PPM1H: variants seen among roughly 807,000 people sequenced by gnomAD.
PPM1H encodes the protein protein phosphatase 1H.
Under a neutral mutation model 54.9 loss-of-function variants are expected in PPM1H, and 27 were observed. That is an observed-to-expected ratio of 0.49 (90% CI 0.36 to 0.68). The LOEUF (loss-of-function observed/expected upper bound fraction) is 0.68, where lower values mean the gene tolerates loss of function less well. PPM1H is among the 30% of genes least tolerant of loss of function. The probability of loss-of-function intolerance (pLI) is 0.00; values close to 1 mark genes in which losing one functional copy is unlikely to be tolerated. For synonymous variants in PPM1H, 305 were observed against 270.8 expected (o/e 1.13, Z -1.24); for missense variants, 596 against 667.8 (o/e 0.89, Z 1.19).
chr12:62,685,685 G>A (rs2076047197), intron 8 of PPM1H, among the ~76,000 whole-genome samples: 1 of 152,124 alleles, frequency 6.6e-6, no homozygotes, highest in South Asian at 2.1e-4. Flanking sequence ...TTAAACAGGA[G>A]GAATAAGTTT....
chr12:62,720,392 A>C, intron 5 of PPM1H, 103 bp from the exon 6 acceptor site: 1 of 821,714 alleles, frequency 1.2e-6, no homozygotes, highest in Non-Finnish European at 1.9e-6. Context: ...CATATTTTAA[A>C]AACAAGAAAA....
At chr12:62,772,060 A>G (rs897307420) in intron 4 of PPM1H, among the ~76,000 whole-genome samples, 1 of 152,248 alleles carries the variant, frequency 6.6e-6, no homozygotes, top group African/African-American at 2.4e-5. Context: ...AGTAAGTGAT[A>G]GAATTAGGAT....
At chr12:62,897,749 C>T (rs545577291) in intron 1 of PPM1H, among the ~76,000 whole-genome samples, 12 of 152,118 alleles carry the variant, frequency 7.9e-5, no homozygotes, top group South Asian at 4.2e-4. Flanking sequence ...TCTTTCAAGA[C>T]TCTAAACCAA....
At chr12:62,782,443 G>C (rs1050797772) in intron 4 of PPM1H, among the ~76,000 whole-genome samples, 6 of 152,136 alleles carry the variant, frequency 3.9e-5, no homozygotes, top group Non-Finnish European at 8.8e-5. Context: ...ACTCACCTTT[G>C]AACTAATAGA....
intron 1 of PPM1H, among the ~76,000 whole-genome samples, chr12:62,912,792 C>G (rs1282238452): frequency 6.6e-6 from 1 of 152,190 alleles, no homozygotes; most frequent in South Asian, 2.1e-4. Flanking sequence ...TATTAACAGA[C>G]TGACGTAGCT....
intron 6 of PPM1H, among the ~76,000 whole-genome samples, chr12:62,718,187 C>A (rs1368612964): frequency 6.6e-6 from 1 of 152,212 alleles, no homozygotes; most frequent in Non-Finnish European, 1.5e-5. Context: ...CCTCAAGGAG[C>A]CTACAGACTT....
intron 2 of PPM1H, among the ~76,000 whole-genome samples, chr12:62,827,017 C>A (rs73130088): frequency 0.07 from 10,730 of 152,276 alleles, 503 homozygotes; most frequent in Middle Eastern, 0.12. Context: ...TTCTGTTACA[C>A]ACTTTTATAC....
intron 1 of PPM1H, among the ~76,000 whole-genome samples, chr12:62,860,347 T>A (rs1029773681): frequency 2.0e-5 from 3 of 152,068 alleles, no homozygotes; most frequent in Non-Finnish European, 4.4e-5. Flanking sequence ...AAGATGAGAT[T>A]TGGGTGGGGA....
Position 62,762,669 on chromosome 12 carries a change from C to A in PPM1H, c.870-25083G>T, listed in dbSNP as rs150423624. On this transcript the variant is annotated intron_variant, in intron 4 of 9. Coordinates refer to ENST00000228705, the MANE Select transcript of PPM1H (RefSeq NM_020700.2). ...AGTTGCAGCTCTGTCCAGCCTGCCA[C>A]CACTGGGCCATTTCTGTGTGTAAGT... Among the ~76,000 whole-genome samples the A allele has an allele frequency of 3.9e-5, 6 of 152,322 alleles. No homozygotes were observed. The East Asian group carries it at 1.2e-3, about 29-fold the overall frequency.
intron 9 of PPM1H, chr12:62,659,021 C>A: frequency 1.4e-6 from 1 of 725,148 alleles, no homozygotes. Flanking sequence ...AAAAACAGCA[C>A]ATGCTGCCCA....
At chr12:62,923,895 T>C (rs1263162780) in intron 1 of PPM1H, among the ~76,000 whole-genome samples, 1 of 152,148 alleles carries the variant, frequency 6.6e-6, no homozygotes, top group Non-Finnish European at 1.5e-5. Context: ...GTTAAATACA[T>C]GGTTTTATGA....
At chr12:62,885,163 A>G (rs1870542912) in intron 1 of PPM1H, among the ~76,000 whole-genome samples, 2 of 152,194 alleles carry the variant, frequency 1.3e-5, no homozygotes, top group Admixed American at 1.3e-4. Flanking sequence ...AGGCAAGACC[A>G]GCCCCCATGG....
rs116424345 is a variant in PPM1H, at chr12:62,926,466, G to A, written c.245+8026C>T. Among the ~76,000 whole-genome samples, 728 of 152,162 alleles carry A rather than the reference G, an allele frequency of 4.8e-3. 12 individuals are homozygous for A. Among genetic ancestry groups the A allele is most frequent in the African/African-American group, 0.017 (698 of 41,494 alleles). On this transcript the variant is annotated intron_variant, in intron 1 of 9. Transcript: ENST00000228705. ...CTGATATGAAATAGAAGCCATAGAG[G>A]AGATTAGGTATGACCACCCAAATAT... is the stretch of plus-strand genomic sequence containing the variant.
At chr12:62,824,186 C>T (rs1297674267) in intron 2 of PPM1H, among the ~76,000 whole-genome samples, 22 of 152,132 alleles carry the variant, frequency 1.4e-4, no homozygotes, top group Non-Finnish European at 1.9e-4. Context: ...AGGAATCCAA[C>T]TTACAAGGGA....
chr12:62,770,549 T>C (rs1350910856), intron 4 of PPM1H, among the ~76,000 whole-genome samples: 3 of 61,082 alleles, frequency 4.9e-5, no homozygotes, highest in Non-Finnish European at 8.8e-5. Flanking sequence ...ATAATACAGC[T>C]TTTTTTTTTA....
At chr12:62,764,904 G>T (rs953331458) in intron 4 of PPM1H, among the ~76,000 whole-genome samples, 3 of 152,320 alleles carry the variant, frequency 2.0e-5, no homozygotes, top group African/African-American at 7.2e-5. Flanking sequence ...GCGGATGCTC[G>T]GCCTGTGTGA....
chr12:62,861,107 T>C (rs1393707461), intron 1 of PPM1H, among the ~76,000 whole-genome samples: 1 of 152,216 alleles, frequency 6.6e-6, no homozygotes, highest in African/African-American at 2.4e-5. Flanking sequence ...TGAGATTTAT[T>C]GAGATTAGCA....
intron 4 of PPM1H, among the ~76,000 whole-genome samples, chr12:62,769,452 G>A (rs1401994421): frequency 1.3e-5 from 2 of 152,210 alleles, no homozygotes; most frequent in African/African-American, 4.8e-5. Flanking sequence ...GACAAAACCA[G>A]CCTCGTGGCC....
At chr12:62,872,389 C>T (rs1258959581) in intron 1 of PPM1H, among the ~76,000 whole-genome samples, 1 of 152,208 alleles carries the variant, frequency 6.6e-6, no homozygotes, top group Non-Finnish European at 1.5e-5. Context: ...CTAAGATCTA[C>T]TTCTAGCATT....
Sources: allele counts gnomAD v4.1 joint callset (sites outside exome capture counted in the v4.1 genomes callset), GRCh38; gene constraint gnomAD v4.1.1; transcripts MANE v1.5; gene names NCBI Gene and HGNC (gene_info 2026-07-23, HGNC 2026-07-21).